Variants in RYR2 observed in about 807,000 individuals in gnomAD.
RYR2 encodes the protein cardiac muscle ryanodine receptor-calcium release channel.
RYR2 carries 227 observed loss-of-function variants against 601.1 expected under a neutral mutation model. That is an observed-to-expected ratio of 0.38 (90% CI 0.34 to 0.42). The LOEUF (loss-of-function observed/expected upper bound fraction) is 0.42. Ranked by LOEUF, RYR2 falls within the 10% of genes least tolerant of loss-of-function variation. RYR2 has a pLI of 1.00. For synonymous variants in RYR2, 2,223 were observed against 2,175.1 expected (o/e 1.02, Z -0.61); for missense variants, 4,646 against 6,156.5 (o/e 0.75, Z 8.21).
intron 47 of RYR2, among the ~76,000 whole-genome samples, chr1:237,641,503 TTC>T (rs1183198819): frequency 2.1e-4 from 27 of 131,646 alleles, no homozygotes; most frequent in African/African-American, 2.2e-4. Context: ...CTTTCTTTCT[TTC>T]TTTCTTTCTT....
At chr1:237,244,875 C>G (rs1686637837) in intron 1 of RYR2, among the ~76,000 whole-genome samples, 1 of 152,090 alleles carries the variant, frequency 6.6e-6, no homozygotes, top group South Asian at 2.1e-4. Flanking sequence ...TATAGCAAAG[C>G]TCTTAAAGTG....
intron 83 of RYR2, 39 bp downstream of exon 83, chr1:237,759,891 G>A (rs370905997): frequency 5.2e-5 from 70 of 1,348,326 alleles, no homozygotes; most frequent in Non-Finnish European, 6.9e-5. Flanking sequence ...CTACTCAGTG[G>A]TTGTATTTTT....
rs114127395 is a variant in RYR2, at chr1:237,065,706, G to A, written c.48+23137G>A. ...TTTGACAATGTAATTGTATTAGTCC[G>A]TTCTTGCACTGCTGTAAAGAAATAT... On this transcript the variant is annotated intron_variant, in intron 1 of 104. Transcript: ENST00000366574. Among the ~76,000 whole-genome samples, 1,024 of 152,206 alleles carry A rather than the reference G, an allele frequency of 6.7e-3. 10 individuals carry two copies. Among genetic ancestry groups the A allele is most frequent in the African/African-American group, 0.023 (962 of 41,520 alleles).
At chr1:237,171,818 C>T (rs1677430420) in intron 1 of RYR2, among the ~76,000 whole-genome samples, 1 of 152,180 alleles carries the variant, frequency 6.6e-6, no homozygotes, top group Non-Finnish European at 1.5e-5. Flanking sequence ...CTTTGCTTCC[C>T]AAACAGGTTA....
intron 24 of RYR2, among the ~76,000 whole-genome samples, chr1:237,528,742 T>C (rs1451113148): frequency 6.6e-6 from 1 of 152,202 alleles, no homozygotes; most frequent in Non-Finnish European, 1.5e-5. Flanking sequence ...CAGTACACCA[T>C]GTGACTTTGT....
chr1:237,139,135 T>G (rs1394741022), intron 1 of RYR2, among the ~76,000 whole-genome samples: 2 of 152,184 alleles, frequency 1.3e-5, no homozygotes, highest in African/African-American at 4.8e-5. Flanking sequence ...CAAATGTCCA[T>G]CAGTTAATGA....
At chr1:237,388,640 C>T (rs1409720736) in intron 10 of RYR2, among the ~76,000 whole-genome samples, 1 of 152,106 alleles carries the variant, frequency 6.6e-6, no homozygotes, top group Non-Finnish European at 1.5e-5. Context: ...CACTTTCTCT[C>T]ATATTTAATC....
At position 237,432,372 on chromosome 1, in the gene RYR2, T is replaced by C. The variant is rs182806654; in HGVS notation, c.1006-8947T>C. On this transcript the variant is annotated intron_variant, in intron 12 of 104. Coordinates refer to ENST00000366574, the MANE Select transcript of RYR2 (RefSeq NM_001035.3). ...ATCAATAACAACAATATGTTTTCAATTGGGAACTTCTGAATGTACTAGCAA... is the reference window on the plus strand; with the variant it reads ...ATCAATAACAACAATATGTTTTCAACTGGGAACTTCTGAATGTACTAGCAA... Among the ~76,000 whole-genome samples the C allele has an allele frequency of 2.0e-4, 30 of 152,262 alleles. 2 individuals carry two copies. Among genetic ancestry groups the C allele is most frequent in the Non-Finnish European group, 2.4e-4 (16 of 68,010 alleles).
chr1:237,110,036 G>C (rs529974647), intron 1 of RYR2, among the ~76,000 whole-genome samples: 31 of 152,086 alleles, frequency 2.0e-4, no homozygotes, highest in Non-Finnish European at 3.8e-4. Flanking sequence ...CTTTCTAACC[G>C]TGGAAATGTT....
intron 1 of RYR2, among the ~76,000 whole-genome samples, chr1:237,117,993 T>C (rs1434646401): frequency 2.6e-5 from 4 of 152,132 alleles, no homozygotes; most frequent in Non-Finnish European, 5.9e-5. Flanking sequence ...TGATCCATTC[T>C]CCTCAGCCTC....
At chr1:237,139,659 A>T (rs1180549264) in intron 1 of RYR2, among the ~76,000 whole-genome samples, 1 of 152,176 alleles carries the variant, frequency 6.6e-6, no homozygotes, top group African/African-American at 2.4e-5. Flanking sequence ...TGTCTATCTC[A>T]TGGGTTCCTT....
chr1:237,758,890 G>T (rs1265894656), intron 82 of RYR2, among the ~76,000 whole-genome samples: 3 of 152,156 alleles, frequency 2.0e-5, no homozygotes, highest in Non-Finnish European at 4.4e-5. Context: ...CATTGCTTTA[G>T]CGTTTTTTTA....
intron 1 of RYR2, among the ~76,000 whole-genome samples, chr1:237,108,990 G>C (rs757823882): frequency 3.3e-5 from 5 of 152,066 alleles, no homozygotes; most frequent in Non-Finnish European, 4.4e-5. Flanking sequence ...TGAGCAAATG[G>C]GTTTAATTTT....
At chr1:237,387,247 C>G (rs755623862) in intron 8 of RYR2, 34 bp from the exon 9 acceptor site, 1 of 1,592,284 alleles carries the variant, frequency 6.3e-7, no homozygotes, top group South Asian at 1.1e-5. Context: ...TTACCAGAGC[C>G]TGAAGTGATG....
chr1:237,245,525 G>T (rs1255870191), intron 1 of RYR2, among the ~76,000 whole-genome samples: 4 of 151,986 alleles, frequency 2.6e-5, no homozygotes, highest in African/African-American at 9.7e-5. Flanking sequence ...AGGGAGGTTA[G>T]AGCTGTCAAA....
At chr1:237,448,147 G>T (rs113291480) in intron 14 of RYR2, among the ~76,000 whole-genome samples, 1 of 151,868 alleles carries the variant, frequency 6.6e-6, no homozygotes, top group South Asian at 2.1e-4. Flanking sequence ...GGCTGGTCTC[G>T]AACACCTGAT....
At chr1:237,158,096 G>A (rs1047974012) in intron 1 of RYR2, among the ~76,000 whole-genome samples, 1 of 152,166 alleles carries the variant, frequency 6.6e-6, no homozygotes, top group African/African-American at 2.4e-5. Flanking sequence ...GGAAATAAAA[G>A]TACCTTCCTG....
At chr1:237,526,531 G>C (rs1365008100) in intron 24 of RYR2, among the ~76,000 whole-genome samples, 2 of 152,018 alleles carry the variant, frequency 1.3e-5, no homozygotes, top group Non-Finnish European at 1.5e-5. Flanking sequence ...ATTATGTGTA[G>C]AGACAGAGTC....
chr1:237,492,840 GAA>G (rs1178476480), intron 18 of RYR2, 112 bp from the exon 19 acceptor site: 3 of 941,138 alleles, frequency 3.2e-6, no homozygotes, highest in African/African-American at 2.5e-5. Flanking sequence ...AGGAAGGAAG[GAA>G]GGAAGGAAGG....
Sources: gnomAD v4.1 joint callset for allele counts (sites outside exome capture counted in the v4.1 genomes callset) on GRCh38, gnomAD v4.1.1 for gene constraint, MANE v1.5 for transcripts, NCBI Gene and HGNC (gene_info 2026-07-23, HGNC 2026-07-21) for gene names.